The following PCDHGA2 variants were observed in gnomAD, a reference collection of about 807,000 sequenced individuals.
PCDHGA2 encodes the protein protocadherin gamma subfamily A, 2, also known as protocadherin gamma-A2.
Under a neutral mutation model 59.2 loss-of-function variants are expected in PCDHGA2, and 40 were observed. The observed-to-expected ratio is 0.68, with a 90% CI of 0.52 to 0.88. PCDHGA2 has a LOEUF of 0.88. PCDHGA2 is among the 40% of genes least tolerant of loss of function. The pLI is 0.00. For synonymous variants in PCDHGA2, 560 were observed against 526.0 expected, an observed-to-expected ratio of 1.06 and a Z score of -0.89; for missense variants, 1,226 against 1,204.0, an observed-to-expected ratio of 1.02 and a Z score of -0.27.
chr5:141,340,858 G>T lies in PCDHGA2; in HGVS notation c.1887G>T (p.Ala629=). The T allele has an allele frequency of 6.2e-7, 1 of 1,613,588 alleles. No homozygotes were observed. The change falls in exon 1 of 4, where the codon GCG becomes GCT. Residue 629 remains alanine, a synonymous_variant. Transcript: ENST00000394576. The stretch of plus-strand genomic sequence containing the variant: ...TGCACACGGGCGAGGTGCGCACGGC[G>T]CGAGCCCTGCTGGACAGAGACGCGC... The part of the protein sequence containing the change: ...VGLHTGEVRT[A]RALLDRDALK...
At chr5:141,413,451 CA>C (rs1561742676) in intron 1 of PCDHGA2, 1 of 1,614,118 alleles carries the variant, frequency 6.2e-7, no homozygotes, top group East Asian at 2.2e-5. Context: ...TCACCGCGGG[CA>C]GGATAGACCG....
At chr5:141,355,901 A>C (rs1188720944) in intron 1 of PCDHGA2, 6 of 1,613,670 alleles carry the variant, frequency 3.7e-6, no homozygotes, top group Non-Finnish European at 4.2e-6. Flanking sequence ...ATACTTGTGG[A>C]TACCAACGAT....
rs200045647 is a variant in PCDHGA2, at chr5:141,490,150, G to A, written c.2425-4657G>A. 50 of 1,614,246 alleles carry A rather than the reference G, an allele frequency of 3.1e-5. No individual in the cohort carries two copies. The Admixed American group carries it at 7.7e-4, about 25-fold the overall frequency. On this transcript the variant is annotated intron_variant, in intron 1 of 3. Transcript: ENST00000394576. The surrounding 1 kb of genome is among the most constrained non-coding windows in gnomAD (Gnocchi z 5.4). ...AGACCCTAGCAGTGGGGCAATCCAT[G>A]TGTTGGGTCCCATAGACTTTGAGGA...
At chr5:141,383,483 T>A (rs1779176353) in intron 1 of PCDHGA2, 1 of 1,613,378 alleles carries the variant, frequency 6.2e-7, no homozygotes, top group Non-Finnish European at 8.5e-7. Flanking sequence ...CCGGAACTGG[T>A]GCTGGAGCGG....
In PCDHGA2 at chr5:141,339,352, C is replaced by G; in HGVS notation, c.381C>G (p.Asn127Lys). Residue 127 changes from asparagine (N) to lysine (K), a missense_variant, in exon 1 of 4, where the codon AAC (asparagine) becomes AAG (lysine). Coordinates refer to ENST00000394576, the MANE Select transcript of PCDHGA2 (RefSeq NM_018915.4). The stretch of plus-strand genomic sequence containing the variant: ...TAGAGGTGGAAATAACAGATATTAA[C>G]GATAATGCCCCTCGCTTTGGAGTAG... ...YSVEVEITDINDNAPRFGVEE... is the reference protein window; with the variant it reads ...YSVEVEITDIKDNAPRFGVEE... The G allele has an allele frequency of 6.2e-7, 1 of 1,614,166 alleles. No individual in the cohort carries two copies. Among genetic ancestry groups the G allele is most frequent in the Non-Finnish European group, 8.5e-7 (1 of 1,180,006 alleles).
In PCDHGA2 at chr5:141,354,118, A is replaced by G. The variant is rs141568645; in HGVS notation, c.2424+12723A>G. Among the ~76,000 whole-genome samples the G allele has an allele frequency of 7.0e-4, 106 of 152,356 alleles. No individual in the cohort carries two copies. In the East Asian group the frequency reaches 0.014, roughly 20 times the overall value. Reference sequence around the variant, plus strand: ...ATTTCTAAAATGAGAGCTAAAGTAAAGTTAGAAATTGTAAAATAATACTGA... The same window carrying G: ...ATTTCTAAAATGAGAGCTAAAGTAAGGTTAGAAATTGTAAAATAATACTGA... On this transcript the variant is annotated intron_variant, in intron 1 of 3. Transcript: ENST00000394576.
chr5:141,456,748 A>C (rs1448893002), intron 1 of PCDHGA2, among the ~76,000 whole-genome samples: 1 of 151,852 alleles, frequency 6.6e-6, no homozygotes, highest in Non-Finnish European at 1.5e-5. Context: ...GAGCATCATG[A>C]GGTCAGGAGT....
intron 1 of PCDHGA2, chr5:141,420,464 C>A: frequency 1.2e-6 from 1 of 801,488 alleles, no homozygotes; most frequent in South Asian, 4.0e-5. Flanking sequence ...TATTCAAAGA[C>A]ATTTTAAAGC....
At chr5:141,415,063 G>A (rs569362520) in intron 1 of PCDHGA2, 3 of 1,613,432 alleles carry the variant, frequency 1.9e-6, no homozygotes, top group Admixed American at 1.7e-5. Flanking sequence ...CACGGGCGAG[G>A]TGCGCACGGC....
chr5:141,432,250 A>T lies in PCDHGA2; in HGVS notation c.2425-62557A>T. ...ATTCCCTGGCTGAGAACACCATCCA[A>T]GGGGCAAGCCTATCGTCCTACGTGT... is the stretch of plus-strand genomic sequence containing the variant. On this transcript the variant is annotated intron_variant, in intron 1 of 3. Transcript: ENST00000394576. This position sits in a 1 kb window ranked among gnomAD's most constrained non-coding sequence, Gnocchi z 6.0. 1 of 1,614,234 alleles carries T rather than the reference A, an allele frequency of 6.2e-7. No homozygotes were observed. Among genetic ancestry groups the T allele is most frequent in the Non-Finnish European group, 8.5e-7 (1 of 1,180,054 alleles).
chr5:141,488,633 A>G (rs2099677537), intron 1 of PCDHGA2, among the ~76,000 whole-genome samples: 1 of 152,174 alleles, frequency 6.6e-6, no homozygotes, highest in South Asian at 2.1e-4. Context: ...TCACCTTAGC[A>G]GCATTCAGCA....
chr5:141,352,797 A>G, intron 1 of PCDHGA2: 4 of 930,292 alleles, frequency 4.3e-6, no homozygotes, highest in Non-Finnish European at 4.8e-6. Flanking sequence ...TGAGACCAGC[A>G]TAGCCAAGAT....
At chr5:141,479,063 A>G (rs1476826751) in intron 1 of PCDHGA2, among the ~76,000 whole-genome samples, 1 of 152,204 alleles carries the variant, frequency 6.6e-6, no homozygotes, top group African/African-American at 2.4e-5. Context: ...ATAATTTTTT[A>G]TGAATGAAAT....
At chr5:141,374,299 G>A (rs1588736812) in intron 1 of PCDHGA2, 1 of 1,613,982 alleles carries the variant, frequency 6.2e-7, no homozygotes, top group Non-Finnish European at 8.5e-7. Context: ...GAGGTAGGAT[G>A]CAGCTTTTCT....
Position 141,339,927 on chromosome 5 carries a change from T to C in PCDHGA2, c.956T>C (p.Ile319Thr), listed in dbSNP as rs747565651. 2.5e-6 allele frequency: 4 copies of C among 1,614,160 alleles called. No homozygotes were observed. In the Admixed American group the frequency reaches 5.0e-5, roughly 20 times the overall value. The change falls in exon 1 of 4, where the codon ATT becomes ACT. Residue 319 changes from isoleucine to threonine, a missense_variant. Physicochemically the swap from Ile to Thr is moderately conservative, Grantham distance 89. Coordinates refer to ENST00000394576, the MANE Select transcript of PCDHGA2 (RefSeq NM_018915.4). ...YEDATFHEID[I>T]EAQDGPGLLT... ...GATGCTACATTCCATGAAATTGATA[T>C]TGAAGCTCAGGATGGTCCGGGCCTT...
chr5:141,344,926 G>GT, intron 1 of PCDHGA2: 1 of 1,613,900 alleles, frequency 6.2e-7, no homozygotes, highest in Non-Finnish European at 8.5e-7. Context: ...AACTCAGTGA[G>GT]TGGAGAAGTA....
chr5:141,435,396 G>A (rs562717014), intron 1 of PCDHGA2, among the ~76,000 whole-genome samples: 46 of 152,096 alleles, frequency 3.0e-4, no homozygotes, highest in African/African-American at 9.4e-4. Context: ...TTGCCATGAC[G>A]AAAAATGGTA....
chr5:141,375,703 G>C (rs776426026), intron 1 of PCDHGA2: 6 of 1,614,144 alleles, frequency 3.7e-6, no homozygotes, highest in Non-Finnish European at 5.1e-6. Context: ...GCGGGGACCC[G>C]CCTCTTAGCA....
At chr5:141,394,446 A>C in intron 1 of PCDHGA2, 1 of 1,614,246 alleles carries the variant, frequency 6.2e-7, no homozygotes, top group Non-Finnish European at 8.5e-7. Flanking sequence ...CCTCAGCAGC[A>C]ACATGTCACT....
Sources: gnomAD v4.1 joint callset for allele counts (sites outside exome capture counted in the v4.1 genomes callset) on GRCh38, gnomAD v4.1.1 for gene constraint, Gnocchi (gnomAD v3.1) non-coding constraint, MANE v1.5 for transcripts, NCBI Gene and HGNC (gene_info 2026-07-23, HGNC 2026-07-21) for gene names.